Variants in UGT3A2 observed in about 807,000 individuals in gnomAD.
UGT3A2 encodes the protein UDP glycosyltransferase family 3 member A2.
UGT3A2 carries 32 observed loss-of-function variants against 39.8 expected under a neutral mutation model. The ratio of observed to expected loss-of-function variants is 0.80; its 90% CI spans 0.61 to 1.08. The LOEUF (loss-of-function observed/expected upper bound fraction) is 1.08, where lower values mean the gene tolerates loss of function less well. UGT3A2 is among the 50% of genes least tolerant of loss of function. The pLI, the probability that UGT3A2 is intolerant of heterozygous loss-of-function variation, is 0.00. For synonymous variants in UGT3A2, 241 were observed against 230.7 expected (o/e 1.04, Z -0.40); for missense variants, 611 against 637.1 (o/e 0.96, Z 0.44).
chr5:36,035,853 G>A lies in UGT3A2; in HGVS notation c.1417C>T (p.Pro473Ser), dbSNP rs1741805124. 7 of 1,614,072 alleles carry A rather than the reference G, an allele frequency of 4.3e-6. No individual in the cohort carries two copies. Among genetic ancestry groups the A allele is most frequent in the South Asian group, 3.3e-5 (3 of 91,084 alleles). ...TGCCAGGGCTGCTGAAAGACATAGGGCTTGAGGTGCGTCGCGCCCCCTGTC... is the reference window on the plus strand; with the variant it reads ...TGCCAGGGCTGCTGAAAGACATAGGACTTGAGGTGCGTCGCGCCCCCTGTC... ...LQTGGATHLK[P>S]YVFQQPWHEQ... Residue 473 changes from proline (P) to serine (S), a missense_variant, in exon 7 of 7, where the codon CCC (proline) becomes TCC (serine). Pro to Ser is a moderately conservative substitution (Grantham distance 74, BLOSUM62 -1). Transcript: ENST00000282507.
At chr5:36,056,051 C>A (rs1159132232) in intron 2 of UGT3A2, among the ~76,000 whole-genome samples, 1 of 152,144 alleles carries the variant, frequency 6.6e-6, no homozygotes, top group Non-Finnish European at 1.5e-5. Context: ...CACATCTTTA[C>A]GAGATAGTTT....
At chr5:36,062,317 C>G (rs1044740797) in intron 2 of UGT3A2, among the ~76,000 whole-genome samples, 2 of 152,008 alleles carry the variant, frequency 1.3e-5, no homozygotes, top group African/African-American at 4.8e-5. Context: ...AGTCCTTGCC[C>G]ATGCCTATGT....
chr5:36,043,254 G>GA (rs1742066649), intron 4 of UGT3A2, among the ~76,000 whole-genome samples: 1 of 151,660 alleles, frequency 6.6e-6, no homozygotes. Context: ...CAAATGCATG[G>GA]AAAAAAACAA....
chr5:36,063,040 C>CA (rs556478846), intron 2 of UGT3A2, among the ~76,000 whole-genome samples: 7,487 of 131,468 alleles, frequency 0.057, 274 homozygotes, highest in Non-Finnish European at 0.078. Context: ...GACTCTGTCT[C>CA]AAAAAAAAAA....
Position 36,064,357 on chromosome 5 carries a change from A to G in UGT3A2, c.95-7T>C. The G allele has an allele frequency of 1.9e-6, 3 of 1,608,676 alleles. No homozygotes were observed. Among genetic ancestry groups the G allele is most frequent in the Non-Finnish European group, 2.6e-6 (3 of 1,175,088 alleles). On this transcript the variant is annotated splice_region_variant and splice_polypyrimidine_tract_variant and intron_variant, in intron 1 of 6. Transcript: ENST00000282507. Reference sequence around the variant, plus strand: ...AGTAGATAATGGCTTCCACCTAGGAACAATGCACAACTTCAGTTCTGGAAT... The same window carrying G: ...AGTAGATAATGGCTTCCACCTAGGAGCAATGCACAACTTCAGTTCTGGAAT...
chr5:36,052,079 T>G (rs564850676), intron 2 of UGT3A2, 95 bp from the exon 3 acceptor site: 1 of 744,798 alleles, frequency 1.3e-6, no homozygotes, highest in Admixed American at 3.3e-5. Flanking sequence ...TCAAAGATTA[T>G]GTATGTATTT....
chr5:36,065,589 A>AG lies in UGT3A2; in HGVS notation c.94+1106dup, dbSNP rs375085072. ...TTCACTGCTACTAACACTCAGAAAG[A>AG]GGGGGAAAAAGTCTTCAAATGGACT... On this transcript the variant is annotated intron_variant, in intron 1 of 6. Coordinates refer to ENST00000282507, the MANE Select transcript of UGT3A2 (RefSeq NM_174914.4). Among the ~76,000 whole-genome samples the AG allele has an allele frequency of 2.0e-3, 304 of 152,274 alleles. 1 individual carries two copies. The highest frequency in any genetic ancestry group is 5.7e-3 in the Admixed American group (87 of 15,294).
rs1185421085 is a variant in UGT3A2, at chr5:36,051,869, C to A, written c.311+1G>T. The A allele has an allele frequency of 5.7e-6, 9 of 1,578,480 alleles. No homozygotes were observed. The East Asian group carries it at 2.1e-4, about 36-fold the overall frequency. ...TGTTCAAAGAATAAAAAAACAATTA[C>A]CTGCCACCTAAAGTTTCTTCCAGAA... On this transcript the variant is annotated splice_donor_variant, in intron 3 of 6. Coordinates refer to ENST00000282507, the MANE Select transcript of UGT3A2 (RefSeq NM_174914.4). LOFTEE classifies it high-confidence loss of function.
intron 2 of UGT3A2, among the ~76,000 whole-genome samples, chr5:36,052,278 G>A (rs1561494479): frequency 6.6e-6 from 1 of 152,170 alleles, no homozygotes; most frequent in Admixed American, 6.5e-5. Flanking sequence ...GTACACATTT[G>A]TTTGATTCCA....
intron 2 of UGT3A2, among the ~76,000 whole-genome samples, chr5:36,059,663 T>G (rs1013844242): frequency 6.6e-6 from 1 of 152,166 alleles, no homozygotes; most frequent in African/African-American, 2.4e-5. Context: ...TTTCTCTGTG[T>G]CTTCTGTTAA....
intron 5 of UGT3A2, among the ~76,000 whole-genome samples, chr5:36,038,504 G>A (rs1236747583): frequency 6.6e-6 from 1 of 152,056 alleles, no homozygotes; most frequent in Non-Finnish European, 1.5e-5. Flanking sequence ...AACTTGTATT[G>A]ACCGTATGGT....
chr5:36,035,849 T>C lies in UGT3A2; in HGVS notation c.1421A>G (p.Tyr474Cys), dbSNP rs150627093. 1.6e-4 allele frequency: 263 copies of C among 1,614,124 alleles called. 1 individual carries two copies. The African/African-American group carries it at 2.6e-3, about 16-fold the overall frequency. The change falls in exon 7 of 7, where the codon TAT (tyrosine) becomes TGT (cysteine). Residue 474 changes from tyrosine (Y) to cysteine (C), a missense_variant. By Grantham distance (194) the Tyr-to-Cys change is radical (BLOSUM62 -2). Transcript: ENST00000282507. Reference sequence around the variant, plus strand: ...CTCATGCCAGGGCTGCTGAAAGACATAGGGCTTGAGGTGCGTCGCGCCCCC... The same window carrying C: ...CTCATGCCAGGGCTGCTGAAAGACACAGGGCTTGAGGTGCGTCGCGCCCCC... ...QTGGATHLKPYVFQQPWHEQY... is the reference protein window; with the variant it reads ...QTGGATHLKPCVFQQPWHEQY...
In UGT3A2 at chr5:36,051,855, T is replaced by TA. The variant is rs779288071; in HGVS notation, c.311+14dup. ...AATGGTGACCTTTTTGTTCAAAGAA[T>TA]AAAAAAACAATTACCTGCCACCTAA... On this transcript the variant is annotated intron_variant, in intron 3 of 6. Transcript: ENST00000282507. 2 of 1,560,174 alleles carry TA rather than the reference T, an allele frequency of 1.3e-6. No individual in the cohort carries two copies. The highest frequency in any genetic ancestry group is 1.7e-6 in the Non-Finnish European group (2 of 1,153,164).
chr5:36,060,859 G>A (rs1742672386), intron 2 of UGT3A2, among the ~76,000 whole-genome samples: 1 of 152,122 alleles, frequency 6.6e-6, no homozygotes, highest in African/African-American at 2.4e-5. Context: ...CCTCTAAACG[G>A]TACATTGGAA....
At chr5:36,045,435 C>T (rs917962702) in intron 4 of UGT3A2, among the ~76,000 whole-genome samples, 2 of 151,880 alleles carry the variant, frequency 1.3e-5, no homozygotes, top group African/African-American at 4.8e-5. Flanking sequence ...GAAACCCTGT[C>T]TCTACTAAAA....
chr5:36,055,420 C>G (rs916232684), intron 2 of UGT3A2, among the ~76,000 whole-genome samples: 4 of 151,882 alleles, frequency 2.6e-5, no homozygotes, highest in African/African-American at 7.2e-5. Context: ...TTAGTAGAGA[C>G]AGGGTTGCAC....
At chr5:36,040,838 G>C (rs572805259) in intron 4 of UGT3A2, among the ~76,000 whole-genome samples, 104 of 152,268 alleles carry the variant, frequency 6.8e-4, no homozygotes, top group Admixed American at 2.4e-3. Flanking sequence ...GGGAGTGCTG[G>C]TGTCACCCCT....
At position 36,039,508 on chromosome 5, in the gene UGT3A2, A is replaced by C. The variant is rs761859446; in HGVS notation, c.1044T>G (p.Ile348Met). ...KDVHLAANVKIVDWLPQSDLL... is the reference protein window; with the variant it reads ...KDVHLAANVKMVDWLPQSDLL... ...GGTCACTCTGAGGAAGCCAGTCCAC[A>C]ATTTTCACATTTGCAGCCAGGTGGA... The change falls in exon 5 of 7, where the codon ATT (isoleucine) becomes ATG (methionine). Residue 348 changes from isoleucine (I) to methionine (M), a missense_variant. By Grantham distance (10) the Ile-to-Met change is conservative. Coordinates refer to ENST00000282507, the MANE Select transcript of UGT3A2 (RefSeq NM_174914.4). 1.9e-6 allele frequency: 3 copies of C among 1,614,066 alleles called. No homozygotes were observed. The highest frequency in any genetic ancestry group is 3.3e-5 in the Admixed American group (2 of 60,008).
intron 3 of UGT3A2, among the ~76,000 whole-genome samples, chr5:36,051,062 G>C (rs926020955): frequency 4.6e-5 from 7 of 152,202 alleles, no homozygotes; most frequent in Non-Finnish European, 1.0e-4. Context: ...TATAGGCTAA[G>C]TGTCAAATGG....
Sources: gnomAD v4.1 joint callset for allele counts (sites outside exome capture counted in the v4.1 genomes callset) on GRCh38, gnomAD v4.1.1 for gene constraint, MANE v1.5 for transcripts, NCBI Gene and HGNC (gene_info 2026-07-23, HGNC 2026-07-21) for gene names.